Variants in FBXO28 observed in about 807,000 individuals in gnomAD.
FBXO28 encodes F-box only protein 28.
Under a neutral mutation model 38.1 loss-of-function variants are expected in FBXO28, and 8 were observed. The observed-to-expected ratio is 0.21, with a 90% CI of 0.12 to 0.38. FBXO28 has a LOEUF of 0.38. FBXO28 is among the 10% of genes least tolerant of loss of function. The pLI is 1.00. For synonymous variants in FBXO28, 168 were observed against 173.8 expected (o/e 0.97, Z 0.26); for missense variants, 345 against 460.6 (o/e 0.75, Z 2.30).
At chr1:224,121,461 C>T (rs10916326) in intron 1 of FBXO28, among the ~76,000 whole-genome samples, 141,075 of 152,218 alleles carry the variant, frequency 0.93, 66,216 homozygotes, top group Non-Finnish European at 1. Flanking sequence ...AGTATATTCA[C>T]AACACACACA....
intron 3 of FBXO28, among the ~76,000 whole-genome samples, chr1:224,146,525 A>G (rs570392020): frequency 1.9e-3 from 283 of 152,218 alleles, no homozygotes; most frequent in Non-Finnish European, 2.3e-3. Context: ...CATTTTAGAC[A>G]TAAGCGTGGT....
chr1:224,136,587 G>A (rs1422200250), intron 3 of FBXO28, among the ~76,000 whole-genome samples: 1 of 151,244 alleles, frequency 6.6e-6, no homozygotes, highest in Non-Finnish European at 1.5e-5. Flanking sequence ...AACTAGCTGG[G>A]CATGGTGGCG....
rs559183041 is a variant in FBXO28, at chr1:224,130,186, A to T, written c.268-286A>T. Among the ~76,000 whole-genome samples, 166 of 152,048 alleles carry T rather than the reference A, an allele frequency of 1.1e-3. 5 individuals are homozygous for T. The South Asian group carries it at 0.034, about 31-fold the overall frequency. ...GTGAAACTCTGTCTTTACTAAAAAT[A>T]CAAAAATTAGCCAGGCATGATGGCA... On this transcript the variant is annotated intron_variant, in intron 1 of 4. Transcript: ENST00000366862.
At chr1:224,122,609 C>A (rs965301444) in intron 1 of FBXO28, among the ~76,000 whole-genome samples, 6 of 151,530 alleles carry the variant, frequency 4.0e-5, no homozygotes, top group Admixed American at 1.3e-4. Context: ...TTTTTACAGC[C>A]CCCCCCAAGC....
At chr1:224,149,358 AT>A in intron 3 of FBXO28, among the ~76,000 whole-genome samples, 1 of 150,290 alleles carries the variant, frequency 6.7e-6, no homozygotes, top group Non-Finnish European at 1.5e-5. Flanking sequence ...CGCACAGCTA[AT>A]TTTTTAATTT....
intron 3 of FBXO28, among the ~76,000 whole-genome samples, chr1:224,140,347 G>A (rs1014295145): frequency 6.6e-6 from 1 of 152,172 alleles, no homozygotes; most frequent in African/African-American, 2.4e-5. Flanking sequence ...AATACAGAAT[G>A]TAATCGAGAA....
intron 3 of FBXO28, among the ~76,000 whole-genome samples, chr1:224,140,030 G>A (rs1167305459): frequency 6.6e-6 from 1 of 152,182 alleles, no homozygotes; most frequent in East Asian, 1.9e-4. Flanking sequence ...AGTCAAGGCT[G>A]CAATGAGCTA....
chr1:224,141,097 G>C lies in FBXO28; in HGVS notation c.516+6885G>C, dbSNP rs549411362. ...CTCATGAGGCTGAGATAGGAGAATC[G>C]CTTGAACCTGGGAGGCGGAGGCTGC... On this transcript the variant is annotated intron_variant, in intron 3 of 4. Coordinates refer to ENST00000366862, the MANE Select transcript of FBXO28 (RefSeq NM_015176.4). Among the ~76,000 whole-genome samples the C allele has an allele frequency of 4.6e-5, 7 of 152,118 alleles. No homozygotes were observed. The South Asian group carries it at 1.5e-3, about 32-fold the overall frequency.
intron 4 of FBXO28, among the ~76,000 whole-genome samples, chr1:224,154,590 C>T (rs1396219605): frequency 6.6e-6 from 1 of 151,454 alleles, no homozygotes; most frequent in Non-Finnish European, 1.5e-5. Flanking sequence ...GGGCGGATCA[C>T]GAGGTCAGGA....
At chr1:224,145,919 G>A (rs1307604381) in intron 3 of FBXO28, among the ~76,000 whole-genome samples, 1 of 152,042 alleles carries the variant, frequency 6.6e-6, no homozygotes. Flanking sequence ...ATACAAAATT[G>A]TCCAGGTGTG....
chr1:224,138,919 C>T (rs966952265), intron 3 of FBXO28, among the ~76,000 whole-genome samples: 11 of 151,600 alleles, frequency 7.3e-5, no homozygotes, highest in Admixed American at 2.0e-4. Flanking sequence ...GTAGCTGGGA[C>T]TACAGGCACA....
At chr1:224,126,117 C>T (rs1187433450) in intron 1 of FBXO28, among the ~76,000 whole-genome samples, 1 of 152,166 alleles carries the variant, frequency 6.6e-6, no homozygotes, top group Non-Finnish European at 1.5e-5. Context: ...TTGCCCTCTC[C>T]TCCTTCAAAG....
intron 3 of FBXO28, among the ~76,000 whole-genome samples, chr1:224,143,981 C>T (rs1043421662): frequency 6.1e-5 from 9 of 148,642 alleles, no homozygotes; most frequent in Non-Finnish European, 1.3e-4. Context: ...GAAACCCCAT[C>T]CTCTACTAAA....
chr1:224,121,548 C>T (rs1209105428), intron 1 of FBXO28, among the ~76,000 whole-genome samples: 3 of 152,030 alleles, frequency 2.0e-5, no homozygotes, highest in African/African-American at 4.8e-5. Flanking sequence ...GGAGTGCAGT[C>T]GTGAGATCAC....
At chr1:224,133,100 G>A (rs1289852573) in intron 2 of FBXO28, among the ~76,000 whole-genome samples, 1 of 152,176 alleles carries the variant, frequency 6.6e-6, no homozygotes, top group African/African-American at 2.4e-5. Context: ...GGAAAACTAT[G>A]CTAAATGAAA....
intron 3 of FBXO28, among the ~76,000 whole-genome samples, chr1:224,137,998 CG>C (rs2102622403): frequency 6.6e-6 from 1 of 151,796 alleles, no homozygotes; most frequent in African/African-American, 2.4e-5. Flanking sequence ...GAGGCTGAGG[CG>C]GGCAAATCAC....
At chr1:224,155,061 C>G (rs1014177149) in intron 4 of FBXO28, among the ~76,000 whole-genome samples, 1 of 151,926 alleles carries the variant, frequency 6.6e-6, no homozygotes, top group East Asian at 1.9e-4. Context: ...AATTAATATT[C>G]ATTTTTTAAA....
At chr1:224,132,682 A>C (rs1317206847) in intron 2 of FBXO28, among the ~76,000 whole-genome samples, 1 of 151,928 alleles carries the variant, frequency 6.6e-6, no homozygotes, top group Non-Finnish European at 1.5e-5. Context: ...TCGGGTGCCT[A>C]TAATCCCAGC....
chr1:224,146,718 T>C (rs928922121), intron 3 of FBXO28, among the ~76,000 whole-genome samples: 1 of 138,536 alleles, frequency 7.2e-6, no homozygotes, highest in East Asian at 2.5e-4. Context: ...TTTTTTTTTT[T>C]TTTTTGGGAG....
Sources: allele counts gnomAD v4.1 joint callset (sites outside exome capture counted in the v4.1 genomes callset), GRCh38; gene constraint gnomAD v4.1.1; transcripts MANE v1.5; gene names NCBI Gene and HGNC (gene_info 2026-07-23, HGNC 2026-07-21).